CLVS2: variants seen among roughly 807,000 people sequenced by gnomAD.
CLVS2 encodes the protein clavesin 2, also known as clavesin-2.
In CLVS2, 19 loss-of-function variants were observed where a neutral mutation model predicts 29.0. The observed-to-expected ratio is 0.66, with a 90% CI of 0.46 to 0.96. The LOEUF is 0.96. Among genes scored for constraint, CLVS2 ranks in the 40% least tolerant of loss-of-function variants. The pLI is 0.00. For synonymous variants in CLVS2, 161 were observed against 151.3 expected, an observed-to-expected ratio of 1.06 and a Z score of -0.47; for missense variants, 294 against 404.1, an observed-to-expected ratio of 0.73 and a Z score of 2.34.
intron 3 of CLVS2, among the ~76,000 whole-genome samples, chr6:123,036,084 T>A (rs1775150093): frequency 6.6e-6 from 1 of 152,170 alleles, no homozygotes; most frequent in African/African-American, 2.4e-5. Context: ...TTGTAAAATT[T>A]GAGGGAATGG....
chr6:123,016,897 C>G (rs951398797), intron 3 of CLVS2, among the ~76,000 whole-genome samples: 1 of 152,066 alleles, frequency 6.6e-6, no homozygotes, highest in Admixed American at 6.6e-5. Context: ...CATTCTGGCT[C>G]TAAGCGTTTG....
chr6:123,022,820 C>T (rs1774943272), intron 3 of CLVS2, among the ~76,000 whole-genome samples: 2 of 151,946 alleles, frequency 1.3e-5, no homozygotes, highest in African/African-American at 4.8e-5. Context: ...CTGGTCAGCC[C>T]ATTATTTCTC....
intron 2 of CLVS2, among the ~76,000 whole-genome samples, chr6:123,002,526 C>A (rs990765532): frequency 5.9e-5 from 9 of 151,468 alleles, no homozygotes; most frequent in Non-Finnish European, 2.9e-5. Flanking sequence ...CCATAGACTA[C>A]ACAGATGGGC....
chr6:123,066,800 T>A lies in CLVS2; in HGVS notation c.*3039T>A, dbSNP rs934308305. The A allele has an allele frequency of 6.6e-6, 1 of 151,678 alleles. No individual in the cohort carries two copies. Among genetic ancestry groups the A allele is most frequent in the Non-Finnish European group, 1.5e-5 (1 of 67,714 alleles). The allele number at this position is 151,678 out of a possible 1,614,324, so 9.4% of individuals were successfully genotyped here. The stretch of plus-strand genomic sequence containing the variant: ...TTTGTACTCTCTTCCAAAAAGTAAA[T>A]ACGTAAATCTATATTATATAGGTGA... On this transcript the variant is annotated 3_prime_UTR_variant, in exon 6 of 6. Transcript: ENST00000275162.
intron 4 of CLVS2, among the ~76,000 whole-genome samples, chr6:123,050,044 C>T (rs1274828179): frequency 6.6e-6 from 1 of 152,126 alleles, no homozygotes; most frequent in East Asian, 1.9e-4. Flanking sequence ...ACAATAATTA[C>T]ATGTTCATAT....
intron 3 of CLVS2, among the ~76,000 whole-genome samples, chr6:123,019,837 A>G (rs1056977415): frequency 6.6e-6 from 1 of 152,068 alleles, no homozygotes; most frequent in African/African-American, 2.4e-5. Context: ...GTATAGGTCC[A>G]GTTCAAGTCC....
chr6:123,047,796 T>A (rs1772540302), intron 3 of CLVS2, among the ~76,000 whole-genome samples: 1 of 152,132 alleles, frequency 6.6e-6, no homozygotes, highest in Non-Finnish European at 1.5e-5. Flanking sequence ...AATGTGTAAT[T>A]TTGAAAGAGT....
At chr6:123,032,320 C>A (rs1775094066) in intron 3 of CLVS2, among the ~76,000 whole-genome samples, 1 of 151,950 alleles carries the variant, frequency 6.6e-6, no homozygotes, top group African/African-American at 2.4e-5. Flanking sequence ...TTTTTCCTGT[C>A]ATTTTAAATA....
Position 123,063,901 on chromosome 6 carries a change from C to A in CLVS2, c.*140C>A, listed in dbSNP as rs1772815377. On this transcript the variant is annotated 3_prime_UTR_variant, in exon 6 of 6. Coordinates refer to ENST00000275162, the MANE Select transcript of CLVS2 (RefSeq NM_001010852.4). ...GCATAATATATAACAAGGCATCAGG[C>A]TTTCCTTGGCCTGAACCATGGGGGC... 1 of 521,936 alleles carries A rather than the reference C, an allele frequency of 1.9e-6. No individual in the cohort carries two copies. Among genetic ancestry groups the A allele is most frequent in the Non-Finnish European group, 3.4e-6 (1 of 298,222 alleles). 32.3% of individuals were successfully genotyped at this position (521,936 alleles called of 1,614,324 possible).
rs192607016 is a variant in CLVS2 at position 123,062,164 on chromosome 6, C to A, written c.897-1510C>A. Among the ~76,000 whole-genome samples, 239 of 152,218 alleles carry A rather than the reference C, an allele frequency of 1.6e-3. 1 individual carries two copies. The highest frequency in any genetic ancestry group is 5.2e-3 in the African/African-American group (215 of 41,546). Reference sequence around the variant, plus strand: ...ACTTTAGCACAGGACATTAAATGAGCCTCTTTCTCTTTGAACATGAATTCA... The same window carrying A: ...ACTTTAGCACAGGACATTAAATGAGACTCTTTCTCTTTGAACATGAATTCA... On this transcript the variant is annotated intron_variant, in intron 5 of 5. Transcript: ENST00000275162.
Position 122,996,707 on chromosome 6 carries a change from A to C in CLVS2, c.-599A>C, listed in dbSNP as rs1774514071. The C allele has an allele frequency of 6.0e-6, 1 of 167,536 alleles. No individual in the cohort carries two copies. The highest frequency in any genetic ancestry group is 6.5e-5 in the Admixed American group (1 of 15,294). 10.4% of individuals were successfully genotyped at this position (167,536 alleles called of 1,614,324 possible). A position where few individuals can be genotyped will look rare whatever the true frequency, so the allele number is the denominator to read the frequency against. ...AAGCCGCGGCTGATGGATGCCAGGGAGTGCCGCATTGCTTAGCGACCCCGC... is the reference window on the plus strand; with the variant it reads ...AAGCCGCGGCTGATGGATGCCAGGGCGTGCCGCATTGCTTAGCGACCCCGC... On this transcript the variant is annotated 5_prime_UTR_variant, in exon 1 of 6. Transcript: ENST00000275162.
At chr6:123,052,035 A>G (rs1772618424) in intron 4 of CLVS2, among the ~76,000 whole-genome samples, 1 of 152,158 alleles carries the variant, frequency 6.6e-6, no homozygotes, top group Non-Finnish European at 1.5e-5. Flanking sequence ...TATAATATAT[A>G]TTTTTTCAAC....
intron 3 of CLVS2, among the ~76,000 whole-genome samples, chr6:123,018,375 G>A (rs1774870771): frequency 6.6e-6 from 1 of 151,934 alleles, no homozygotes; most frequent in African/African-American, 2.4e-5. Context: ...AGAACACTAG[G>A]ACTCAATGGC....
At position 123,011,108 on chromosome 6, in the gene CLVS2, A is replaced by C; in HGVS notation, c.513A>C (p.Gln171His). Residue 171 changes from glutamine to histidine, a missense_variant, in exon 3 of 6, where the codon CAA becomes CAC. Transcript: ENST00000275162. ...ACTGGAGTAACTTCACTTTCAAGCA[A>C]GCCTCTAAACTCACACCAAGTATGC... ...IIDWSNFTFK[Q>H]ASKLTPSMLR... 6.2e-7 allele frequency: 1 copy of C among 1,611,616 alleles called. No individual in the cohort carries two copies. Among genetic ancestry groups the C allele is most frequent in the East Asian group, 2.2e-5 (1 of 44,772 alleles).
At chr6:122,998,208 C>G in intron 2 of CLVS2, 42 bp downstream of exon 2, 1 of 1,569,126 alleles carries the variant, frequency 6.4e-7, no homozygotes, top group Non-Finnish European at 8.6e-7. Flanking sequence ...TTTACTCTCC[C>G]ATTTTCCAGA....
chr6:123,025,230 G>A (rs1448740527), intron 3 of CLVS2, among the ~76,000 whole-genome samples: 1 of 152,060 alleles, frequency 6.6e-6, no homozygotes, highest in Admixed American at 6.6e-5. Flanking sequence ...CTGGAAAGCC[G>A]TTATTAAGCA....
At chr6:123,004,664 G>A (rs924620962) in intron 2 of CLVS2, among the ~76,000 whole-genome samples, 2 of 152,204 alleles carry the variant, frequency 1.3e-5, no homozygotes, top group Non-Finnish European at 2.9e-5. Context: ...TGTAATGCCA[G>A]CACTTTGGGA....
intron 3 of CLVS2, among the ~76,000 whole-genome samples, chr6:123,025,042 A>G (rs1774981507): frequency 6.6e-6 from 1 of 152,156 alleles, no homozygotes; most frequent in South Asian, 2.1e-4. Context: ...GAAGAAGAAT[A>G]TAGATCCCCA....
At chr6:123,020,457 A>G (rs1774903422) in intron 3 of CLVS2, among the ~76,000 whole-genome samples, 1 of 152,062 alleles carries the variant, frequency 6.6e-6, no homozygotes, top group African/African-American at 2.4e-5. Flanking sequence ...TTTGGGATTC[A>G]GTTGTCATAC....
Sources: allele counts gnomAD v4.1 joint callset (sites outside exome capture counted in the v4.1 genomes callset), GRCh38; gene constraint gnomAD v4.1.1; transcripts MANE v1.5; gene names NCBI Gene and HGNC (gene_info 2026-07-23, HGNC 2026-07-21).